The following SHOC2 variants were observed in gnomAD, a reference collection of about 807,000 sequenced individuals.
The protein encoded by SHOC2 is leucine-rich repeat protein SHOC-2.
SHOC2 carries 4 observed loss-of-function variants against 50.2 expected under a neutral mutation model. The observed-to-expected ratio is 0.08, with a 90% confidence interval of 0.04 to 0.18. The LOEUF (loss-of-function observed/expected upper bound fraction) is 0.18, where lower values mean the gene tolerates loss of function less well. Ranked by LOEUF, SHOC2 falls within the 10% of genes least tolerant of loss-of-function variation. The probability of loss-of-function intolerance (pLI) is 1.00; values close to 1 mark genes in which losing one functional copy is unlikely to be tolerated. For missense variants in SHOC2, 388 were observed against 669.6 expected, an observed-to-expected ratio of 0.58 and a Z score of 4.64; for synonymous variants, 218 against 244.5, an observed-to-expected ratio of 0.89 and a Z score of 1.01.
intron 2 of SHOC2, among the ~76,000 whole-genome samples, chr10:110,970,836 A>G (rs550522067): frequency 2.0e-5 from 3 of 150,352 alleles, no homozygotes; most frequent in Non-Finnish European, 4.4e-5. Flanking sequence ...GATGTTGAGC[A>G]TTTTTTCGTA....
At chr10:110,939,251 C>T (rs1226595124) in intron 1 of SHOC2, among the ~76,000 whole-genome samples, 1 of 151,996 alleles carries the variant, frequency 6.6e-6, no homozygotes, top group Admixed American at 6.6e-5. Context: ...CTCGGTTTCA[C>T]TGTGTCACCC....
At chr10:110,965,156 A>G in intron 2 of SHOC2, 95 bp downstream of exon 2, 1 of 1,052,180 alleles carries the variant, frequency 9.5e-7, no homozygotes, top group South Asian at 1.4e-5. Flanking sequence ...TACTTGCCTA[A>G]AAACAGCTTA....
chr10:110,985,575 C>T, intron 2 of SHOC2, 53 bp from the exon 3 acceptor site: 3 of 1,298,692 alleles, frequency 2.3e-6, no homozygotes, highest in Admixed American at 1.7e-5. Context: ...GAAGTATTAT[C>T]TAGTATGTTC....
intron 1 of SHOC2, among the ~76,000 whole-genome samples, chr10:110,925,730 T>TA (rs1182909621): frequency 6.6e-6 from 1 of 152,242 alleles, no homozygotes; most frequent in Non-Finnish European, 1.5e-5. Context: ...GTGCTGGAAT[T>TA]ACAAGTGTGA....
At chr10:111,007,278 G>A (rs556909882) in intron 5 of SHOC2, among the ~76,000 whole-genome samples, 2 of 152,182 alleles carry the variant, frequency 1.3e-5, no homozygotes, top group East Asian at 3.9e-4. Context: ...TGTATACTGT[G>A]TTTTTCTATT....
At chr10:110,939,931 G>A (rs1225932556) in intron 1 of SHOC2, among the ~76,000 whole-genome samples, 1 of 152,100 alleles carries the variant, frequency 6.6e-6, no homozygotes, top group Non-Finnish European at 1.5e-5. Context: ...AAATGACTAT[G>A]AAGTTAATCT....
At chr10:110,965,364 T>G (rs1847652718) in intron 2 of SHOC2, among the ~76,000 whole-genome samples, 2 of 150,778 alleles carry the variant, frequency 1.3e-5, no homozygotes, top group African/African-American at 2.4e-5. Flanking sequence ...TTGCCTAATT[T>G]TCAAGTTGTT....
At chr10:111,006,494 C>A (rs1304971952) in intron 5 of SHOC2, among the ~76,000 whole-genome samples, 1 of 151,744 alleles carries the variant, frequency 6.6e-6, no homozygotes, top group African/African-American at 2.4e-5. Flanking sequence ...CCTCAGCCTC[C>A]CAAGTAGCTG....
chr10:110,956,668 A>T (rs1238127204), intron 1 of SHOC2, among the ~76,000 whole-genome samples: 1 of 152,250 alleles, frequency 6.6e-6, no homozygotes, highest in Non-Finnish European at 1.5e-5. Flanking sequence ...ATAGTCTTGT[A>T]TAAAATGAAT....
At position 111,004,703 on chromosome 10, in the gene SHOC2, T is replaced by C. The variant is rs1165632207; in HGVS notation, c.1070T>C (p.Ile357Thr). Residue 357 changes from isoleucine (I) to threonine (T), a missense_variant, in exon 5 of 9, where the codon ATC (isoleucine) becomes ACC (threonine). By Grantham distance (89) the Ile-to-Thr change is moderately conservative. This residue lies in a region of SHOC2 where 48 missense variants were observed against 151.6 expected (regional missense o/e 0.32). Transcript: ENST00000369452. ...PVGGPSQFST[I>T]YSLNMEHNRI... ...GGTGGTCCATCTCAGTTTTCTACCA[T>C]CTATTCCCTCAACATGGAACACAAT... The C allele has an allele frequency of 6.2e-7, 1 of 1,613,396 alleles. No individual in the cohort carries two copies.
chr10:110,967,950 G>A (rs1342277536), intron 2 of SHOC2, among the ~76,000 whole-genome samples: 1 of 152,058 alleles, frequency 6.6e-6, no homozygotes, highest in East Asian at 1.9e-4. Flanking sequence ...GTTTTTGTGT[G>A]GACATTTGTT....
intron 1 of SHOC2, among the ~76,000 whole-genome samples, chr10:110,945,892 T>A (rs1056698315): frequency 6.6e-6 from 1 of 152,170 alleles, no homozygotes; most frequent in Non-Finnish European, 1.5e-5. Context: ...TCACCCCCAA[T>A]CAGGTTCTGA....
At position 111,012,643 on chromosome 10, in the gene SHOC2, G is replaced by A. The variant is rs921664394; in HGVS notation, c.*825G>A. 1.3e-5 allele frequency: 2 copies of A among 152,054 alleles called. No homozygotes were observed. The highest frequency in any genetic ancestry group is 2.9e-5 in the Non-Finnish European group (2 of 68,000). The allele number at this position is 152,054 out of a possible 1,614,324, so 9.4% of individuals were successfully genotyped here. ...AGTTTTTTCATTCCTGAAAGTTGCA[G>A]ATCCACAAAACTAACAGGATAATTG... On this transcript the variant is annotated 3_prime_UTR_variant, in exon 9 of 9. Transcript: ENST00000369452.
chr10:110,982,866 G>A (rs898018918), intron 2 of SHOC2, among the ~76,000 whole-genome samples: 3 of 151,976 alleles, frequency 2.0e-5, no homozygotes, highest in Non-Finnish European at 2.9e-5. Context: ...GTTTGAAATT[G>A]TTTCCTCTAT....
intron 1 of SHOC2, among the ~76,000 whole-genome samples, chr10:110,956,823 T>A (rs889975016): frequency 2.0e-5 from 3 of 151,994 alleles, no homozygotes; most frequent in South Asian, 2.1e-4. Context: ...TTTTTTTTTT[T>A]AAATAACAAA....
intron 3 of SHOC2, among the ~76,000 whole-genome samples, chr10:110,997,864 A>G (rs1564726873): frequency 6.6e-6 from 1 of 152,156 alleles, no homozygotes; most frequent in Non-Finnish European, 1.5e-5. Flanking sequence ...TCCAATTTAA[A>G]TAATTATTCT....
chr10:111,004,936 A>T, intron 5 of SHOC2, 142 bp downstream of exon 5: 1 of 683,396 alleles, frequency 1.5e-6, no homozygotes, highest in Non-Finnish European at 2.6e-6. Context: ...ATGTCAGGGT[A>T]CTTTGTATCA....
intron 1 of SHOC2, among the ~76,000 whole-genome samples, chr10:110,932,461 A>G (rs1048343682): frequency 6.6e-6 from 1 of 152,152 alleles, no homozygotes; most frequent in Non-Finnish European, 1.5e-5. Flanking sequence ...AATTTGGTAT[A>G]CCTTATAGCA....
chr10:110,943,536 A>G (rs1173082219), intron 1 of SHOC2, among the ~76,000 whole-genome samples: 3 of 152,192 alleles, frequency 2.0e-5, no homozygotes, highest in African/African-American at 4.8e-5. Flanking sequence ...AAAAATAGCT[A>G]ACTTACAGGA....
Sources: allele counts gnomAD v4.1 joint callset (sites outside exome capture counted in the v4.1 genomes callset), GRCh38; gene constraint gnomAD v4.1.1; regional missense constraint gnomAD v4.1.1; transcripts MANE v1.5; gene names NCBI Gene and HGNC (gene_info 2026-07-23, HGNC 2026-07-21).